The following MBD3L2 variants were observed in gnomAD, a reference collection of about 807,000 sequenced individuals.
MBD3L2 encodes the protein methyl-CpG binding domain protein 3 like 2.
For synonymous variants in MBD3L2, 20 were observed against 33.9 expected, an observed-to-expected ratio of 0.59 and a Z score of 1.42; for missense variants, 71 against 84.0, an observed-to-expected ratio of 0.85 and a Z score of 0.60.
chr19:7,051,365 G>C lies in MBD3L2; in HGVS notation c.370G>C (p.Gly124Arg). The C allele has an allele frequency of 1.6e-6, 1 of 620,750 alleles. No individual in the cohort carries two copies. 38.5% of individuals were successfully genotyped at this position (620,750 alleles called of 1,614,324 possible). A position where few individuals can be genotyped will look rare whatever the true frequency, so the allele number is the denominator to read the frequency against. ...VLSILAPGTAGESLDRAGAER... is the reference protein window; with the variant it reads ...VLSILAPGTARESLDRAGAER... ...AAGTATCCTTGCACCGGGGACGGCCGGTGAATCTCTGGACAGAGCTGGTGC... is the reference window on the plus strand; with the variant it reads ...AAGTATCCTTGCACCGGGGACGGCCCGTGAATCTCTGGACAGAGCTGGTGC... The change falls in exon 2 of 2, where the codon GGT (glycine) becomes CGT (arginine). Residue 124 changes from glycine to arginine, a missense_variant. Gly to Arg is a moderately radical substitution (Grantham distance 125). Transcript: ENST00000381393.
rs1310322647 is a variant in MBD3L2, at chr19:7,051,533, A to G, written c.538A>G (p.Arg180Gly). 3 of 713,492 alleles carry G rather than the reference A, an allele frequency of 4.2e-6. No homozygotes were observed. The highest frequency in any genetic ancestry group is 4.0e-5 in the Admixed American group (2 of 49,688). 44.2% of individuals were successfully genotyped at this position (713,492 alleles called of 1,614,324 possible). The change falls in exon 2 of 2, where the codon AGG becomes GGG. Residue 180 changes from arginine (R) to glycine (G), a missense_variant. By Grantham distance (125) the Arg-to-Gly change is moderately radical. Transcript: ENST00000381393. ...TCCTGCAGATATCCGGAGACAGGCC[A>G]GGAGGGTGAAGAAAGCCAGGGAGAG... ...VTPADIRRQA[R>G]RVKKARERLA...
Position 7,051,646 on chromosome 19 carries a change from C to T in MBD3L2, c.*24C>T, listed in dbSNP as rs1488223968. On this transcript the variant is annotated 3_prime_UTR_variant, in exon 2 of 2. Transcript: ENST00000381393. ...GAAGCTCAGTCTTGGGCTTTCGGTCCCTTTCTTTTAATGCCCATCCTCATT... is the reference window on the plus strand; with the variant it reads ...GAAGCTCAGTCTTGGGCTTTCGGTCTCTTTCTTTTAATGCCCATCCTCATT... The T allele has an allele frequency of 3.2e-5, 23 of 715,322 alleles. No individual in the cohort carries two copies. In the East Asian group the frequency reaches 4.6e-4, roughly 14 times the overall value. 44.3% of individuals were successfully genotyped at this position (715,322 alleles called of 1,614,324 possible).
Position 7,051,696 on chromosome 19 carries a change from C to A in MBD3L2, c.*74C>A. ...TCCTACTCTGAATTGTCACACTTTT[C>A]CCTTCCCCACCAGTTCTTTAATAAA... On this transcript the variant is annotated 3_prime_UTR_variant, in exon 2 of 2. Transcript: ENST00000381393. 1.4e-6 allele frequency: 1 copy of A among 711,400 alleles called. No individual in the cohort carries two copies. Among genetic ancestry groups the A allele is most frequent in the South Asian group, 1.5e-5 (1 of 66,830 alleles). 44.1% of individuals were successfully genotyped at this position (711,400 alleles called of 1,614,324 possible).
rs1197504047 is a variant in MBD3L2, at chr19:7,051,349, T to G, written c.354T>G (p.Leu118=). 9.6e-6 allele frequency: 6 copies of G among 622,288 alleles called. No homozygotes were observed. The highest frequency in any genetic ancestry group is 1.7e-5 in the Non-Finnish European group (6 of 347,638). The allele number at this position is 622,288 out of a possible 1,614,324, so 38.5% of individuals were successfully genotyped here. A position where few individuals can be genotyped will look rare whatever the true frequency, so the allele number is the denominator to read the frequency against. Residue 118 remains leucine (L), a synonymous_variant, in exon 2 of 2, where the codon CTT becomes CTG. Transcript: ENST00000381393. ...ATTTGGAGAGCGTCTTAAGTATCCT[T>G]GCACCGGGGACGGCCGGTGAATCTC... ...PLHLESVLSI[L]APGTAGESLD...
Position 7,051,616 on chromosome 19 carries a change from T to C in MBD3L2, c.621T>C (p.Gly207=). Residue 207 remains glycine, a synonymous_variant, in exon 2 of 2, where the codon GGT becomes GGC. Coordinates refer to ENST00000381393, the MANE Select transcript of MBD3L2 (RefSeq NM_144614.4). ...RLARRAEMLT[G]G ...CCAGGCGGGCAGAAATGCTGACAGG[T>C]GGATGAAGCTCAGTCTTGGGCTTTC... 2 of 722,488 alleles carry C rather than the reference T, an allele frequency of 2.8e-6. No homozygotes were observed. The highest frequency in any genetic ancestry group is 5.1e-6 in the Non-Finnish European group (2 of 388,658). The allele number at this position is 722,488 out of a possible 1,614,324, so 44.8% of individuals were successfully genotyped here. A position where few individuals can be genotyped will look rare whatever the true frequency, so the allele number is the denominator to read the frequency against.
At chr19:7,051,004 T>C (rs779511930) in intron 1 of MBD3L2, 37 bp from the exon 2 acceptor site, 1 of 168,338 alleles carries the variant, frequency 5.9e-6, no homozygotes, top group Admixed American at 1.6e-4. Context: ...CCTGTCTCCA[T>C]TTGGTTGAAA....
Position 7,051,244 on chromosome 19 carries a change from GC to G in MBD3L2, c.251del (p.Pro84ArgfsTer32). 3 of 478,990 alleles carry G rather than the reference GC, an allele frequency of 6.3e-6. No homozygotes were observed. The highest frequency in any genetic ancestry group is 1.1e-5 in the Non-Finnish European group (3 of 282,462). The allele number at this position is 478,990 out of a possible 1,614,324, so 29.7% of individuals were successfully genotyped here. ...RRKGDEHLEKPQQLCAYRRLQ... is the reference protein window; with the variant it reads ...RRKGDEHLEKXQQLCAYRRLQ... ...GAAAAGGGGACGAGCACCTGGAGAAGCCGCAGCAACTCTGCGCCTACCGGAG... is the reference window on the plus strand; with the variant it reads ...GAAAAGGGGACGAGCACCTGGAGAAGCGCAGCAACTCTGCGCCTACCGGAG... On this transcript the variant is annotated frameshift_variant, in exon 2 of 2. Transcript: ENST00000381393. LOFTEE classifies it low-confidence loss of function (END_TRUNC).
chr19:7,050,321 TTCTC>T (rs1268746815), intron 1 of MBD3L2, among the ~76,000 whole-genome samples: 1 of 132,694 alleles, frequency 7.5e-6, no homozygotes, highest in Non-Finnish European at 1.6e-5. Context: ...CATCAAAAGA[TTCTC>T]TCATGGTGTA....
chr19:7,051,629 G>A lies in MBD3L2; in HGVS notation c.*7G>A. The A allele has an allele frequency of 1.4e-6, 1 of 718,912 alleles. No individual in the cohort carries two copies. Among genetic ancestry groups the A allele is most frequent in the South Asian group, 1.5e-5 (1 of 67,504 alleles). The allele number at this position is 718,912 out of a possible 1,614,324, so 44.5% of individuals were successfully genotyped here. ...AATGCTGACAGGTGGATGAAGCTCA[G>A]TCTTGGGCTTTCGGTCCCTTTCTTT... On this transcript the variant is annotated 3_prime_UTR_variant, in exon 2 of 2. Coordinates refer to ENST00000381393, the MANE Select transcript of MBD3L2 (RefSeq NM_144614.4).
chr19:7,050,252 T>G (rs1319702895), intron 1 of MBD3L2, among the ~76,000 whole-genome samples: 216 of 141,286 alleles, frequency 1.5e-3, no homozygotes, highest in African/African-American at 4.8e-3. Flanking sequence ...TTCCAATTGA[T>G]TTAGAGCAAG....
rs1178138580 is a variant in MBD3L2, at chr19:7,051,587, C to T, written c.592C>T (p.Leu198=). Residue 198 remains leucine, a synonymous_variant, in exon 2 of 2, where the codon CTG becomes TTG. Transcript: ENST00000381393. ...GGCCAAGGCCTTGCAGGCAGACAGG[C>T]TGGCCAGGCGGGCAGAAATGCTGAC... ...RLAKALQADR[L]ARRAEMLTGG The T allele has an allele frequency of 4.2e-6, 3 of 722,328 alleles. No homozygotes were observed. The East Asian group carries it at 8.0e-5, about 19-fold the overall frequency. 44.7% of individuals were successfully genotyped at this position (722,328 alleles called of 1,614,324 possible).
In MBD3L2 at chr19:7,051,588, T is replaced by C. The variant is rs1599824236; in HGVS notation, c.593T>C (p.Leu198Pro). 1 of 722,558 alleles carries C rather than the reference T, an allele frequency of 1.4e-6. No homozygotes were observed. Among genetic ancestry groups the C allele is most frequent in the East Asian group, 2.7e-5 (1 of 37,618 alleles). 44.8% of individuals were successfully genotyped at this position (722,558 alleles called of 1,614,324 possible). A position where few individuals can be genotyped will look rare whatever the true frequency, so the allele number is the denominator to read the frequency against. ...RLAKALQADR[L>P]ARRAEMLTGG Reference sequence around the variant, plus strand: ...GCCAAGGCCTTGCAGGCAGACAGGCTGGCCAGGCGGGCAGAAATGCTGACA... The same window carrying C: ...GCCAAGGCCTTGCAGGCAGACAGGCCGGCCAGGCGGGCAGAAATGCTGACA... The change falls in exon 2 of 2, where the codon CTG (leucine) becomes CCG (proline). Residue 198 changes from leucine (L) to proline (P), a missense_variant. Coordinates refer to ENST00000381393, the MANE Select transcript of MBD3L2 (RefSeq NM_144614.4).
At position 7,051,626 on chromosome 19, in the gene MBD3L2, T is replaced by A. The variant is rs62123316; in HGVS notation, c.*4T>A. ...AGAAATGCTGACAGGTGGATGAAGC[T>A]CAGTCTTGGGCTTTCGGTCCCTTTC... On this transcript the variant is annotated 3_prime_UTR_variant, in exon 2 of 2. Transcript: ENST00000381393. 1.8e-5 allele frequency: 13 copies of A among 716,968 alleles called. No homozygotes were observed. Among genetic ancestry groups the A allele is most frequent in the South Asian group, 4.4e-5 (3 of 67,454 alleles). The allele number at this position is 716,968 out of a possible 1,614,324, so 44.4% of individuals were successfully genotyped here.
At position 7,051,164 on chromosome 19, in the gene MBD3L2, T is replaced by C; in HGVS notation, c.169T>C (p.Phe57Leu). The change falls in exon 2 of 2, where the codon TTC (phenylalanine) becomes CTC (leucine). Residue 57 changes from phenylalanine (F) to leucine (L), a missense_variant. Phe to Leu is a conservative substitution (Grantham distance 22). Transcript: ENST00000381393. The stretch of plus-strand genomic sequence containing the variant: ...CCCCATGAGACTCACCAGCTGCATC[T>C]TCCGGAGGCCGGTGACAAGGATCAG... Reference protein sequence around the residue: ...ALPMRLTSCIFRRPVTRIRSH... With the variant: ...ALPMRLTSCILRRPVTRIRSH... The C allele has an allele frequency of 2.4e-6, 1 of 422,620 alleles. No homozygotes were observed. The highest frequency in any genetic ancestry group is 2.3e-5 in the South Asian group (1 of 43,302). The allele number at this position is 422,620 out of a possible 1,614,324, so 26.2% of individuals were successfully genotyped here. A position where few individuals can be genotyped will look rare whatever the true frequency, so the allele number is the denominator to read the frequency against.
In MBD3L2 at chr19:7,051,625, C is replaced by A. The variant is rs371387603; in HGVS notation, c.*3C>A. 9.7e-6 allele frequency: 7 copies of A among 720,404 alleles called. No individual in the cohort carries two copies. The East Asian group carries it at 1.3e-4, about 14-fold the overall frequency. 44.6% of individuals were successfully genotyped at this position (720,404 alleles called of 1,614,324 possible). A position where few individuals can be genotyped will look rare whatever the true frequency, so the allele number is the denominator to read the frequency against. On this transcript the variant is annotated 3_prime_UTR_variant, in exon 2 of 2. Transcript: ENST00000381393. Reference sequence around the variant, plus strand: ...CAGAAATGCTGACAGGTGGATGAAGCTCAGTCTTGGGCTTTCGGTCCCTTT... The same window carrying A: ...CAGAAATGCTGACAGGTGGATGAAGATCAGTCTTGGGCTTTCGGTCCCTTT...
In MBD3L2 at chr19:7,051,638, T is replaced by A; in HGVS notation, c.*16T>A. ...AGGTGGATGAAGCTCAGTCTTGGGC[T>A]TTCGGTCCCTTTCTTTTAATGCCCA... On this transcript the variant is annotated 3_prime_UTR_variant, in exon 2 of 2. Coordinates refer to ENST00000381393, the MANE Select transcript of MBD3L2 (RefSeq NM_144614.4). 1.4e-6 allele frequency: 1 copy of A among 716,010 alleles called. No homozygotes were observed. The highest frequency in any genetic ancestry group is 2.6e-6 in the Non-Finnish European group (1 of 385,050). The allele number at this position is 716,010 out of a possible 1,614,324, so 44.4% of individuals were successfully genotyped here. A position where few individuals can be genotyped will look rare whatever the true frequency, so the allele number is the denominator to read the frequency against.
At position 7,051,526 on chromosome 19, in the gene MBD3L2, A is replaced by T; in HGVS notation, c.531A>T (p.Arg177Ser). ...TGGTGACTCCTGCAGATATCCGGAG[A>T]CAGGCCAGGAGGGTGAAGAAAGCCA... ...GQLVTPADIR[R>S]QARRVKKARE... The change falls in exon 2 of 2, where the codon AGA becomes AGT. Residue 177 changes from arginine (R) to serine (S), a missense_variant. Coordinates refer to ENST00000381393, the MANE Select transcript of MBD3L2 (RefSeq NM_144614.4). 1.4e-6 allele frequency: 1 copy of T among 712,490 alleles called. No homozygotes were observed. The highest frequency in any genetic ancestry group is 2.6e-6 in the Non-Finnish European group (1 of 383,870). 44.1% of individuals were successfully genotyped at this position (712,490 alleles called of 1,614,324 possible).
Position 7,051,380 on chromosome 19 carries a change from A to G in MBD3L2, c.385A>G (p.Arg129Gly), listed in dbSNP as rs1977039419. The G allele has an allele frequency of 6.0e-6, 4 of 667,436 alleles. No homozygotes were observed. In the South Asian group the frequency reaches 6.4e-5, roughly 11 times the overall value. 41.3% of individuals were successfully genotyped at this position (667,436 alleles called of 1,614,324 possible). The change falls in exon 2 of 2, where the codon AGA becomes GGA. Residue 129 changes from arginine (R) to glycine (G), a missense_variant. Physicochemically the swap from Arg to Gly is moderately radical, Grantham distance 125. Coordinates refer to ENST00000381393, the MANE Select transcript of MBD3L2 (RefSeq NM_144614.4). ...APGTAGESLD[R>G]AGAERVRSPL... ...GGGGACGGCCGGTGAATCTCTGGAC[A>G]GAGCTGGTGCTGAGCGTGTGCGCAG...
At chr19:7,049,816 C>T (rs2145139632) in intron 1 of MBD3L2, among the ~76,000 whole-genome samples, 1 of 152,368 alleles carries the variant, frequency 6.6e-6, no homozygotes, top group Non-Finnish European at 1.5e-5. Flanking sequence ...TTGGTTAGTC[C>T]TTCCCTAAAC....
Sources: gnomAD v4.1 joint callset for allele counts (sites outside exome capture counted in the v4.1 genomes callset) on GRCh38, gnomAD v4.1.1 for gene constraint, MANE v1.5 for transcripts, NCBI Gene and HGNC (gene_info 2026-07-23, HGNC 2026-07-21) for gene names.